MICAL3: variants seen among roughly 807,000 people sequenced by gnomAD.
MICAL3 encodes [F-actin]-monooxygenase MICAL3.
MICAL3 carries 62 observed loss-of-function variants against 207.4 expected under a neutral mutation model. The observed-to-expected ratio is 0.30, with a 90% CI of 0.24 to 0.37. MICAL3 has a LOEUF of 0.37. Among genes scored for constraint, MICAL3 ranks in the 10% least tolerant of loss-of-function variants. MICAL3 has a pLI of 1.00. For missense variants in MICAL3, 2,368 were observed against 2,635.6 expected (o/e 0.90, Z 2.22); for synonymous variants, 1,077 against 1,069.3 (o/e 1.01, Z -0.14).
chr22:17,862,734 T>C (rs955154408), intron 19 of MICAL3: 14 of 985,414 alleles, frequency 1.4e-5, no homozygotes, highest in Non-Finnish European at 1.7e-5. Flanking sequence ...AGCAGCAGAG[T>C]GAGCTCACCG....
intron 29 of MICAL3, among the ~76,000 whole-genome samples, chr22:17,799,808 T>C (rs1319605137): frequency 2.0e-5 from 3 of 152,256 alleles, no homozygotes; most frequent in East Asian, 3.9e-4. Flanking sequence ...AGACACCTGG[T>C]GCTACACAGA....
At chr22:17,893,778 G>T in intron 11 of MICAL3, 30 bp downstream of exon 11, 1 of 1,485,936 alleles carries the variant, frequency 6.7e-7, no homozygotes, top group Non-Finnish European at 9.2e-7. Flanking sequence ...GGGGCTGCCT[G>T]CATTTTAAAA....
intron 19 of MICAL3, among the ~76,000 whole-genome samples, chr22:17,852,990 G>A (rs1299191800): frequency 1.3e-5 from 2 of 151,616 alleles, no homozygotes; most frequent in Admixed American, 6.6e-5. Context: ...CAGGAGAATC[G>A]CTTGAACCTG....
intron 22 of MICAL3, chr22:17,826,439 A>C (rs1247052249): frequency 6.1e-6 from 6 of 985,266 alleles, no homozygotes; most frequent in Non-Finnish European, 7.2e-6. Flanking sequence ...GAGAGAGTGA[A>C]CATCACCAGA....
chr22:17,928,155 G>A (rs1009103279), intron 1 of MICAL3, among the ~76,000 whole-genome samples: 2 of 152,046 alleles, frequency 1.3e-5, no homozygotes, highest in Non-Finnish European at 2.9e-5. Flanking sequence ...ACACCTGTCC[G>A]TGGGCCGGGC....
In MICAL3 at chr22:17,841,931, G is replaced by C; in HGVS notation, c.2692C>G (p.Leu898Val). The C allele has an allele frequency of 1.2e-6, 2 of 1,602,732 alleles. No homozygotes were observed. The highest frequency in any genetic ancestry group is 1.7e-6 in the Non-Finnish European group (2 of 1,176,274). Residue 898 changes from leucine to valine, a missense_variant, in exon 20 of 32, where the codon CTG (leucine) becomes GTG (valine). Leu to Val is a conservative substitution (Grantham distance 32). Transcript: ENST00000441493. This position sits in a 1 kb window ranked among gnomAD's most constrained non-coding sequence, Gnocchi z 4.2. ...AGTGCCTCAGCCTGCCTCAGGGACA[G>C]GCGGTAGTTCTCCAGCTCGATCCGC... ...PERIELENYR[L>V]SLRQAEALQE...
chr22:17,828,879 T>A (rs939450084), intron 21 of MICAL3, among the ~76,000 whole-genome samples: 2 of 152,184 alleles, frequency 1.3e-5, no homozygotes, highest in African/African-American at 4.8e-5. Context: ...CTCCTCTGAG[T>A]CTAACCAGAC....
At chr22:17,879,274 T>G (rs1929193328) in intron 16 of MICAL3, 6 of 1,353,148 alleles carry the variant, frequency 4.4e-6, no homozygotes, top group Non-Finnish European at 5.1e-6. Context: ...CCCTTCCCGC[T>G]GCCCCACCAC....
chr22:17,829,718 G>T (rs1026462283), intron 21 of MICAL3, among the ~76,000 whole-genome samples: 10 of 152,176 alleles, frequency 6.6e-5, no homozygotes, highest in African/African-American at 2.4e-4. Context: ...AACATTAAAG[G>T]CACCTGCACT....
At chr22:17,876,757 A>AGGTTAT (rs1928430894) in intron 16 of MICAL3, 1 of 66,054 alleles carries the variant, frequency 1.5e-5, no homozygotes, top group Admixed American at 1.5e-4. Flanking sequence ...AGGGAGGTTA[A>AGGTTAT]GGAGGTTAGG....
intron 1 of MICAL3, among the ~76,000 whole-genome samples, chr22:17,978,754 G>A (rs1190535396): frequency 6.6e-6 from 1 of 151,838 alleles, no homozygotes; most frequent in Non-Finnish European, 1.5e-5. Context: ...CCTGACCTCA[G>A]GTGATCTGCC....
chr22:17,851,377 C>T (rs1288967297), intron 19 of MICAL3, among the ~76,000 whole-genome samples: 1 of 152,160 alleles, frequency 6.6e-6, no homozygotes, highest in Non-Finnish European at 1.5e-5. Context: ...TTATACACGT[C>T]TTTATTAGGG....
At chr22:17,937,836 A>C (rs1933612179) in intron 1 of MICAL3, among the ~76,000 whole-genome samples, 1 of 152,190 alleles carries the variant, frequency 6.6e-6, no homozygotes, top group South Asian at 2.1e-4. Flanking sequence ...AGTGAGGACC[A>C]TGTCTCATCT....
intron 1 of MICAL3, among the ~76,000 whole-genome samples, chr22:17,944,882 G>A (rs1003309553): frequency 1.3e-5 from 2 of 152,026 alleles, no homozygotes; most frequent in Non-Finnish European, 2.9e-5. Flanking sequence ...AGTTCCTGGG[G>A]ACCGCTGTAC....
intron 19 of MICAL3, among the ~76,000 whole-genome samples, chr22:17,854,591 A>G (rs1391614493): frequency 6.6e-6 from 1 of 151,916 alleles, no homozygotes; most frequent in Non-Finnish European, 1.5e-5. Flanking sequence ...TGCTGTGACA[A>G]ACTTGGTCAC....
At chr22:17,821,562 G>A (rs1167813669) in intron 24 of MICAL3, 53 bp from the exon 25 acceptor site, 5 of 1,435,152 alleles carry the variant, frequency 3.5e-6, no homozygotes, top group Non-Finnish European at 4.7e-6. Flanking sequence ...CATGTGCCAG[G>A]AAGGCACCCC....
chr22:17,901,872 C>T lies in MICAL3; in HGVS notation c.691+6G>A. ...ATGAGCCAGGCAGAGGAGCACAGAC[C>T]AATACCTTCCAAGGTGTTCCTCCGA... On this transcript the variant is annotated splice_donor_region_variant and intron_variant, in intron 5 of 31. Coordinates refer to ENST00000441493, the MANE Select transcript of MICAL3 (RefSeq NM_015241.3). 1.2e-6 allele frequency: 2 copies of T among 1,607,870 alleles called. No individual in the cohort carries two copies. The highest frequency in any genetic ancestry group is 1.1e-5 in the South Asian group (1 of 90,884).
At chr22:17,899,216 G>GGTA (rs1569123830) in intron 7 of MICAL3, 2 of 573,722 alleles carry the variant, frequency 3.5e-6, no homozygotes, top group Non-Finnish European at 6.4e-6. Flanking sequence ...AAAGCTGGAC[G>GGTA]GTAGGTACGT....
intron 1 of MICAL3, among the ~76,000 whole-genome samples, chr22:17,986,988 C>G (rs1921088766): frequency 6.6e-6 from 1 of 151,934 alleles, no homozygotes; most frequent in African/African-American, 2.4e-5. Context: ...TCTGTAATTC[C>G]AACGCTTTGG....
Sources: gnomAD v4.1 joint callset for allele counts (sites outside exome capture counted in the v4.1 genomes callset) on GRCh38, gnomAD v4.1.1 for gene constraint, Gnocchi (gnomAD v3.1) non-coding constraint, MANE v1.5 for transcripts, NCBI Gene and HGNC (gene_info 2026-07-23, HGNC 2026-07-21) for gene names.